SEPTIN9: variants seen among roughly 807,000 people sequenced by gnomAD.
SEPTIN9 encodes the protein septin 9.
SEPTIN9 carries 13 observed loss-of-function variants against 56.6 expected under a neutral mutation model. The observed-to-expected ratio is 0.23, with a 90% CI of 0.15 to 0.37. The LOEUF (loss-of-function observed/expected upper bound fraction) is 0.37, where lower values mean the gene tolerates loss of function less well. SEPTIN9 is among the 10% of genes least tolerant of loss of function. The pLI, the probability that SEPTIN9 is intolerant of heterozygous loss-of-function variation, is 1.00. For missense variants in SEPTIN9, 650 were observed against 823.1 expected (o/e 0.79, Z 2.57); for synonymous variants, 332 against 334.1 (o/e 0.99, Z 0.07).
At chr17:77,484,490 A>G (rs868848867) in intron 4 of SEPTIN9, among the ~76,000 whole-genome samples, 13 of 97,718 alleles carry the variant, frequency 1.3e-4, no homozygotes, top group South Asian at 7.8e-4. Context: ...GATGGTGGTG[A>G]TGATGGTGAT....
chr17:77,455,316 A>G (rs370117284), intron 3 of SEPTIN9, among the ~76,000 whole-genome samples: 74 of 152,246 alleles, frequency 4.9e-4, no homozygotes, highest in African/African-American at 1.7e-3. Context: ...GCCTTCAGGA[A>G]GGGGGCCCTT....
chr17:77,348,945 T>C (rs7221079), intron 2 of SEPTIN9, among the ~76,000 whole-genome samples: 33,286 of 152,164 alleles, frequency 0.22, 3,902 homozygotes, highest in Middle Eastern at 0.29. Context: ...CTTCATTCCT[T>C]CCTGAAGAGC....
rs1036526185 is a variant in SEPTIN9, at chr17:77,389,129, C to G, written c.77-12930C>G. On this transcript the variant is annotated intron_variant, in intron 2 of 11. Coordinates refer to ENST00000427177, the MANE Select transcript of SEPTIN9 (RefSeq NM_001113491.2). This position sits in a 1 kb window ranked among gnomAD's most constrained non-coding sequence, Gnocchi z 4.3. ...AGCTTCCCATCCATGGGAAGAAGCA[C>G]CGAGCAGCCTTGCTGGCTCCTCGCA... 2.3e-4 allele frequency among the ~76,000 whole-genome samples: 35 copies of G among 152,140 alleles called. No individual in the cohort carries two copies. Among genetic ancestry groups the G allele is most frequent in the African/African-American group, 7.2e-4 (30 of 41,442 alleles).
In SEPTIN9 at chr17:77,487,240, C is replaced by T. The variant is rs1053790149; in HGVS notation, c.914-184C>T. On this transcript the variant is annotated intron_variant, in intron 4 of 11. Coordinates refer to ENST00000427177, the MANE Select transcript of SEPTIN9 (RefSeq NM_001113491.2). This position sits in a 1 kb window ranked among gnomAD's most constrained non-coding sequence, Gnocchi z 4.3. ...CCGGCTGTGTGGGTTTACACAGTCA[C>T]TGGACACCCGGCTCGAGGGTGAAGT... Among the ~76,000 whole-genome samples, 6 of 152,202 alleles carry T rather than the reference C, an allele frequency of 3.9e-5. No homozygotes were observed. The highest frequency in any genetic ancestry group is 1.2e-4 in the African/African-American group (5 of 41,446).
At chr17:77,423,648 G>A (rs1410707123) in intron 3 of SEPTIN9, among the ~76,000 whole-genome samples, 3 of 152,156 alleles carry the variant, frequency 2.0e-5, no homozygotes, top group East Asian at 3.9e-4. Context: ...CCCCGGCTCC[G>A]CGCGGAGATC....
chr17:77,320,675 C>A (rs954991599), intron 2 of SEPTIN9, among the ~76,000 whole-genome samples: 1 of 152,122 alleles, frequency 6.6e-6, no homozygotes, highest in South Asian at 2.1e-4. Context: ...GGGGACCTGC[C>A]CCCCTGGCTC....
chr17:77,291,660 C>T (rs534835220), intron 1 of SEPTIN9, among the ~76,000 whole-genome samples: 30 of 152,072 alleles, frequency 2.0e-4, no homozygotes, highest in African/African-American at 4.8e-4. Context: ...GTTTTTGTAG[C>T]GACAGGGTCT....
chr17:77,363,172 C>T (rs113093637), intron 2 of SEPTIN9, among the ~76,000 whole-genome samples: 32 of 152,234 alleles, frequency 2.1e-4, no homozygotes, highest in African/African-American at 6.7e-4. Flanking sequence ...CACCAACAGC[C>T]GGGAGTCCAG....
chr17:77,290,142 G>A (rs2031470961), intron 1 of SEPTIN9, among the ~76,000 whole-genome samples: 1 of 152,126 alleles, frequency 6.6e-6, no homozygotes. Context: ...GTGGGTCTGG[G>A]CCCCTGAAGG....
chr17:77,456,708 C>T lies in SEPTIN9; in HGVS notation c.722-25436C>T, dbSNP rs959426588. Among the ~76,000 whole-genome samples the T allele has an allele frequency of 4.6e-5, 7 of 150,622 alleles. No individual in the cohort carries two copies. Among genetic ancestry groups the T allele is most frequent in the South Asian group, 2.1e-4 (1 of 4,730 alleles). On this transcript the variant is annotated intron_variant, in intron 3 of 11. Transcript: ENST00000427177. This position sits in a 1 kb window ranked among gnomAD's most constrained non-coding sequence, Gnocchi z 6.0. Reference sequence around the variant, plus strand: ...AGCACCGGGTACCCACAGCCAGGGACGGGCCCCCATGGCCAGTACCAGATC... The same window carrying T: ...AGCACCGGGTACCCACAGCCAGGGATGGGCCCCCATGGCCAGTACCAGATC...
chr17:77,446,316 C>T (rs1213325116), intron 3 of SEPTIN9: 2 of 166,458 alleles, frequency 1.2e-5, no homozygotes, highest in African/African-American at 2.4e-5. Context: ...CTGCCTCCAT[C>T]CTCCTACAGC....
chr17:77,296,251 C>A (rs2031806671), intron 1 of SEPTIN9, among the ~76,000 whole-genome samples: 1 of 152,200 alleles, frequency 6.6e-6, no homozygotes, highest in African/African-American at 2.4e-5. Context: ...AAGTCACTCC[C>A]TCCACAGTAA....
At chr17:77,291,031 ATTTTTT>A (rs869237556) in intron 1 of SEPTIN9, among the ~76,000 whole-genome samples, 1 of 108,790 alleles carries the variant, frequency 9.2e-6, no homozygotes, top group Non-Finnish European at 1.8e-5. Context: ...TGCCTGGCTA[ATTTTTT>A]TTTTTTTTTT....
At position 77,286,849 on chromosome 17, in the gene SEPTIN9, G is replaced by A. The variant is rs73997439; in HGVS notation, c.19+5295G>A. Among the ~76,000 whole-genome samples, 998 of 152,320 alleles carry A rather than the reference G, an allele frequency of 6.6e-3. 12 individuals carry two copies. The highest frequency in any genetic ancestry group is 0.023 in the African/African-American group (955 of 41,552). ...ATCCAGCTGGCTTTAGGGTAGGAGG[G>A]GCTCCAGAGAGAGGCTCCAGGCCCC... On this transcript the variant is annotated intron_variant, in intron 1 of 11. Coordinates refer to ENST00000427177, the MANE Select transcript of SEPTIN9 (RefSeq NM_001113491.2).
At chr17:77,321,433 T>C (rs2032921439) in intron 2 of SEPTIN9, among the ~76,000 whole-genome samples, 1 of 150,882 alleles carries the variant, frequency 6.6e-6, no homozygotes, top group African/African-American at 2.4e-5. Flanking sequence ...GGAGTCTGGC[T>C]CTGTTGCCCA....
chr17:77,327,294 C>T lies in SEPTIN9; in HGVS notation c.76+20097C>T, dbSNP rs2033174688. Among the ~76,000 whole-genome samples the T allele has an allele frequency of 6.6e-6, 1 of 152,182 alleles. No homozygotes were observed. The highest frequency in any genetic ancestry group is 1.5e-5 in the Non-Finnish European group (1 of 68,040). ...CACCAGGGGCTGAGGCCTCCTTGCT[C>T]ACTCCAGCTTCCTGGCCCGTCTCTT... On this transcript the variant is annotated intron_variant, in intron 2 of 11. Transcript: ENST00000427177. This position sits in a 1 kb window ranked among gnomAD's most constrained non-coding sequence, Gnocchi z 5.0.
At chr17:77,358,980 G>A (rs904800745) in intron 2 of SEPTIN9, among the ~76,000 whole-genome samples, 1 of 152,144 alleles carries the variant, frequency 6.6e-6, no homozygotes, top group African/African-American at 2.4e-5. Flanking sequence ...GTGCATCCTC[G>A]ACACACAGCT....
Position 77,390,703 on chromosome 17 carries a change from T to G in SEPTIN9, c.77-11356T>G, listed in dbSNP as rs375255260. The stretch of plus-strand genomic sequence containing the variant: ...CCTGACCTCGTGATCTGCCCGCCTC[T>G]GCCTCCCAAAGTGCTGGGATTACAG... On this transcript the variant is annotated intron_variant, in intron 2 of 11. Transcript: ENST00000427177. Among the ~76,000 whole-genome samples the G allele has an allele frequency of 9.2e-3, 1,398 of 152,080 alleles. 15 individuals are homozygous for G. The highest frequency in any genetic ancestry group is 0.031 in the African/African-American group (1,281 of 41,478).
At chr17:77,345,050 A>T (rs887043498) in intron 2 of SEPTIN9, among the ~76,000 whole-genome samples, 1 of 151,834 alleles carries the variant, frequency 6.6e-6, no homozygotes, top group African/African-American at 2.4e-5. Flanking sequence ...ATGCTAAGTG[A>T]CAGAAGCCAG....
Sources: gnomAD v4.1 joint callset for allele counts (sites outside exome capture counted in the v4.1 genomes callset) on GRCh38, gnomAD v4.1.1 for gene constraint, Gnocchi (gnomAD v3.1) non-coding constraint, MANE v1.5 for transcripts, NCBI Gene and HGNC (gene_info 2026-07-23, HGNC 2026-07-21) for gene names.